INSYN2B: variants seen among roughly 807,000 people sequenced by gnomAD.
INSYN2B encodes the protein protein INSYN2B.
INSYN2B carries 16 observed loss-of-function variants against 41.2 expected under a neutral mutation model. The observed-to-expected ratio is 0.39, with a 90% confidence interval of 0.26 to 0.59. The LOEUF is 0.59. INSYN2B is among the 20% of genes least tolerant of loss of function. INSYN2B has a pLI of 0.57. For missense variants in INSYN2B, 608 were observed against 646.4 expected (o/e 0.94, Z 0.64); for synonymous variants, 245 against 244.4 (o/e 1.00, Z -0.02).
At chr5:169,966,239 G>T (rs1777295293) in intron 1 of INSYN2B, among the ~76,000 whole-genome samples, 1 of 152,086 alleles carries the variant, frequency 6.6e-6, no homozygotes, top group Admixed American at 6.5e-5. Context: ...TTGGTTGGTT[G>T]CTTCATAACA....
chr5:169,953,098 C>A (rs769288883), intron 1 of INSYN2B, among the ~76,000 whole-genome samples: 1 of 151,922 alleles, frequency 6.6e-6, no homozygotes, highest in African/African-American at 2.4e-5. Flanking sequence ...CTGAGGTGGG[C>A]GGATCACAAG....
intron 1 of INSYN2B, among the ~76,000 whole-genome samples, chr5:169,903,010 A>G (rs1337212738): frequency 6.6e-6 from 1 of 152,066 alleles, no homozygotes; most frequent in Non-Finnish European, 1.5e-5. Context: ...AGGCAGGAGA[A>G]TCGCTTGAAC....
intron 3 of INSYN2B, among the ~76,000 whole-genome samples, chr5:169,871,000 G>A (rs1487446753): frequency 6.6e-6 from 1 of 152,132 alleles, no homozygotes; most frequent in Admixed American, 6.5e-5. Context: ...CCCTCTTCCT[G>A]GTCTACAGAC....
At chr5:169,893,302 G>A (rs261069) in intron 1 of INSYN2B, among the ~76,000 whole-genome samples, 122,010 of 152,144 alleles carry the variant, frequency 0.8, 49,673 homozygotes, top group African/African-American at 0.91. Context: ...CCAGGGGAAA[G>A]CCTTTACTAC....
chr5:169,872,185 A>G (rs1269459076), intron 3 of INSYN2B, among the ~76,000 whole-genome samples: 3 of 152,174 alleles, frequency 2.0e-5, no homozygotes, highest in Non-Finnish European at 4.4e-5. Flanking sequence ...CCCTGTTTCT[A>G]CAGAACCCAG....
intron 3 of INSYN2B, among the ~76,000 whole-genome samples, chr5:169,877,814 C>T (rs1327486098): frequency 6.6e-6 from 1 of 151,998 alleles, no homozygotes; most frequent in African/African-American, 2.4e-5. Context: ...CAAACAAAAC[C>T]TCTTCTATTT....
At chr5:169,887,936 A>T (rs1773065581) in intron 1 of INSYN2B, among the ~76,000 whole-genome samples, 2 of 152,236 alleles carry the variant, frequency 1.3e-5, no homozygotes, top group Non-Finnish European at 2.9e-5. Flanking sequence ...TTGCCAATAA[A>T]GTAGAAAAGA....
At chr5:169,974,362 T>C (rs114033607) in intron 1 of INSYN2B, among the ~76,000 whole-genome samples, 1 of 152,364 alleles carries the variant, frequency 6.6e-6, no homozygotes, top group African/African-American at 2.4e-5. Flanking sequence ...TGACTAATAC[T>C]AACTTCTCTT....
chr5:169,867,540 GTATC>G (rs1318963937), intron 3 of INSYN2B, among the ~76,000 whole-genome samples: 8 of 151,398 alleles, frequency 5.3e-5, no homozygotes, highest in Admixed American at 4.6e-4. Flanking sequence ...CATCTATCAT[GTATC>G]TATCATCTAT....
At chr5:169,918,322 T>C (rs1013070665) in intron 1 of INSYN2B, among the ~76,000 whole-genome samples, 2 of 152,246 alleles carry the variant, frequency 1.3e-5, no homozygotes, top group African/African-American at 4.8e-5. Context: ...ACTCTGCCTA[T>C]ATATAACCCA....
At chr5:169,919,753 TG>T (rs768871409) in intron 1 of INSYN2B, among the ~76,000 whole-genome samples, 20 of 152,168 alleles carry the variant, frequency 1.3e-4, no homozygotes, top group Non-Finnish European at 2.5e-4. Flanking sequence ...CCTGCTAATG[TG>T]GGGGCAACTG....
chr5:169,890,192 G>T (rs535539953), intron 1 of INSYN2B, among the ~76,000 whole-genome samples: 1 of 152,200 alleles, frequency 6.6e-6, no homozygotes, highest in Non-Finnish European at 1.5e-5. Context: ...TAGCTGGCCA[G>T]ACATCTAATT....
At chr5:169,867,020 A>G (rs545506797) in intron 3 of INSYN2B, among the ~76,000 whole-genome samples, 1 of 152,306 alleles carries the variant, frequency 6.6e-6, no homozygotes, top group Non-Finnish European at 1.5e-5. Context: ...GACTAGCTTC[A>G]AGTTGGGGTT....
At chr5:169,931,220 A>G (rs1167194394) in intron 1 of INSYN2B, among the ~76,000 whole-genome samples, 2 of 152,218 alleles carry the variant, frequency 1.3e-5, no homozygotes, top group Non-Finnish European at 2.9e-5. Context: ...CATCTTACAA[A>G]TACATGTGCA....
At chr5:169,893,573 C>T (rs1773421132) in intron 1 of INSYN2B, among the ~76,000 whole-genome samples, 1 of 150,716 alleles carries the variant, frequency 6.6e-6, no homozygotes, top group African/African-American at 2.4e-5. Context: ...CCTGCTCAAA[C>T]AGATAGAAGA....
chr5:169,890,053 G>A (rs1773194885), intron 1 of INSYN2B, among the ~76,000 whole-genome samples: 1 of 152,208 alleles, frequency 6.6e-6, no homozygotes, highest in Non-Finnish European at 1.5e-5. Context: ...CATTATCCCT[G>A]TTTTAAAGAA....
chr5:169,932,457 G>C (rs1015875828), intron 1 of INSYN2B, among the ~76,000 whole-genome samples: 3 of 152,164 alleles, frequency 2.0e-5, no homozygotes, highest in African/African-American at 7.2e-5. Flanking sequence ...AAGAGAGAGG[G>C]AGGCTTTGGA....
chr5:169,939,004 C>T (rs543746678), intron 1 of INSYN2B, among the ~76,000 whole-genome samples: 2 of 151,370 alleles, frequency 1.3e-5, no homozygotes, highest in East Asian at 1.9e-4. Context: ...CCTGGGTTCA[C>T]GCCATTCTCC....
intron 3 of INSYN2B, among the ~76,000 whole-genome samples, chr5:169,865,774 G>T (rs1438663201): frequency 6.6e-6 from 1 of 152,210 alleles, no homozygotes; most frequent in Non-Finnish European, 1.5e-5. Context: ...GCATCTGGGA[G>T]ACCAAAGACC....
Sources: allele counts gnomAD v4.1 joint callset (sites outside exome capture counted in the v4.1 genomes callset), GRCh38; gene constraint gnomAD v4.1.1; transcripts MANE v1.5; gene names NCBI Gene and HGNC (gene_info 2026-07-23, HGNC 2026-07-21).